The following RIMBP2 variants were observed in gnomAD, a reference collection of about 807,000 sequenced individuals.
RIMBP2 encodes RIMS-binding protein 2.
A neutral mutation model predicts 118.6 loss-of-function variants in RIMBP2; 48 were observed. That is an observed-to-expected ratio of 0.40 (90% CI 0.32 to 0.51). The LOEUF is 0.51. Ranked by LOEUF, RIMBP2 falls within the 20% of genes least tolerant of loss-of-function variation. The pLI is 0.41. For missense variants in RIMBP2, 1,551 were observed against 1,768.3 expected, an observed-to-expected ratio of 0.88 and a Z score of 2.20; for synonymous variants, 762 against 742.9, an observed-to-expected ratio of 1.03 and a Z score of -0.42.
intron 2 of RIMBP2, among the ~76,000 whole-genome samples, chr12:130,626,350 TCAC>T (rs1279340903): frequency 1.3e-5 from 2 of 151,432 alleles, no homozygotes; most frequent in African/African-American, 2.4e-5. Context: ...AGCTCCTCCA[TCAC>T]CACGACTACC....
At chr12:130,543,278 T>C (rs1187374901) in intron 2 of RIMBP2, among the ~76,000 whole-genome samples, 1 of 152,168 alleles carries the variant, frequency 6.6e-6, no homozygotes, top group Non-Finnish European at 1.5e-5. Context: ...TTTGAATTGG[T>C]TTGTAGCCCT....
intron 2 of RIMBP2, among the ~76,000 whole-genome samples, chr12:130,572,859 C>T (rs2057788362): frequency 6.6e-6 from 1 of 151,998 alleles, no homozygotes; most frequent in Non-Finnish European, 1.5e-5. Context: ...ACTCAGGGGA[C>T]AGGTGGAGCG....
intron 11 of RIMBP2, among the ~76,000 whole-genome samples, chr12:130,439,131 G>C (rs550041819): frequency 6.6e-6 from 1 of 152,018 alleles, no homozygotes; most frequent in South Asian, 2.1e-4. Flanking sequence ...CCATTTCTGC[G>C]TGTGTGTGTA....
At chr12:130,413,587 G>A (rs1178669430) in intron 18 of RIMBP2, among the ~76,000 whole-genome samples, 2 of 146,714 alleles carry the variant, frequency 1.4e-5, no homozygotes, top group African/African-American at 2.6e-5. Context: ...GAGCTGAGAT[G>A]GTGCCACTGT....
chr12:130,477,158 C>T (rs893750606), intron 5 of RIMBP2, among the ~76,000 whole-genome samples: 4 of 152,142 alleles, frequency 2.6e-5, no homozygotes, highest in African/African-American at 4.8e-5. Context: ...ATGGTGAGTG[C>T]GGGGGGATAA....
chr12:130,455,696 G>C (rs1186701330), intron 7 of RIMBP2, among the ~76,000 whole-genome samples: 3 of 152,140 alleles, frequency 2.0e-5, no homozygotes, highest in Non-Finnish European at 4.4e-5. Flanking sequence ...TAAGAACTAG[G>C]GGAAATTTGC....
rs1475686109 is a variant in RIMBP2, at chr12:130,438,441, G to A, written c.1580C>T (p.Pro527Leu). 9 of 1,613,338 alleles carry A rather than the reference G, an allele frequency of 5.6e-6. No homozygotes were observed. Among genetic ancestry groups the A allele is most frequent in the Admixed American group, 1.7e-5 (1 of 59,948 alleles). Residue 527 changes from proline (P) to leucine (L), a missense_variant, in exon 12 of 23, where the codon CCA (proline) becomes CTA (leucine). This residue lies in a region of RIMBP2 where 1,038 missense variants were observed against 1,125.1 expected (regional missense o/e 0.92). Transcript: ENST00000690449. The part of the protein sequence containing the change: ...TPATIRVSWR[P>L]PVLTPTGLSN... ...CAGCCCGGTGGGCGTCAGCACAGGT[G>A]GTCTCCAGGAGACCCGGATGGTGGC...
At chr12:130,516,776 C>G (rs551049093) in intron 3 of RIMBP2, among the ~76,000 whole-genome samples, 12 of 152,176 alleles carry the variant, frequency 7.9e-5, no homozygotes, top group African/African-American at 2.9e-4. Flanking sequence ...CAGGGAGAAG[C>G]CTCAGTTTTA....
At chr12:130,713,054 T>G in intron 1 of RIMBP2, among the ~76,000 whole-genome samples, 1 of 140,954 alleles carries the variant, frequency 7.1e-6, no homozygotes, top group Admixed American at 7.3e-5. Flanking sequence ...AGAGGAGGAA[T>G]GAGGGAGGGA....
At chr12:130,659,727 T>C (rs4759740) in intron 1 of RIMBP2, among the ~76,000 whole-genome samples, 79,355 of 151,374 alleles carry the variant, frequency 0.52, 21,740 homozygotes, top group Non-Finnish European at 0.62. Flanking sequence ...AATCCCAGCA[T>C]TTTGGGAGGC....
intron 1 of RIMBP2, among the ~76,000 whole-genome samples, chr12:130,694,610 C>A (rs1392699953): frequency 1.3e-5 from 2 of 152,214 alleles, no homozygotes; most frequent in African/African-American, 4.8e-5. Context: ...TTCCACGGCC[C>A]TCCCGTAGAG....
intron 13 of RIMBP2, among the ~76,000 whole-genome samples, chr12:130,435,841 C>T (rs1156694733): frequency 2.6e-5 from 4 of 152,324 alleles, no homozygotes; most frequent in South Asian, 2.1e-4. Context: ...AAGGTAGCTC[C>T]CTGCCCAGTG....
In RIMBP2 at chr12:130,664,031, T is replaced by TA. The variant is rs113571415; in HGVS notation, c.-351-35576dup. On this transcript the variant is annotated intron_variant, in intron 1 of 22. Transcript: ENST00000690449. ...TCCAGGCTATATTGTGGGTTTTTTT[T>TA]AAAAAATCTATTGTTTTAATTGACA... Among the ~76,000 whole-genome samples the TA allele has an allele frequency of 6.6e-4, 100 of 150,872 alleles. 1 individual carries two copies. Among genetic ancestry groups the TA allele is most frequent in the Middle Eastern group, 3.4e-3 (1 of 292 alleles).
chr12:130,450,329 C>A lies in RIMBP2; in HGVS notation c.505-53G>T. ...TTATTGAAGCTGGAGGTGTCCCACC[C>A]CATTCCCGCGGCACACGGGAAAGCC... is the stretch of plus-strand genomic sequence containing the variant. On this transcript the variant is annotated intron_variant, in intron 8 of 22. Coordinates refer to ENST00000690449, the MANE Select transcript of RIMBP2 (RefSeq NM_001393629.1). The surrounding 1 kb of genome is among the most constrained non-coding windows in gnomAD (Gnocchi z 4.8). 2.2e-6 allele frequency: 3 copies of A among 1,377,632 alleles called. No homozygotes were observed. The highest frequency in any genetic ancestry group is 2.0e-6 in the Non-Finnish European group (2 of 980,370). The allele number at this position is 1,377,632 out of a possible 1,614,324, so 85.3% of individuals were successfully genotyped here. A position where few individuals can be genotyped will look rare whatever the true frequency, so the allele number is the denominator to read the frequency against.
chr12:130,713,090 A>G (rs771942687), intron 1 of RIMBP2, among the ~76,000 whole-genome samples: 1 of 148,060 alleles, frequency 6.8e-6, no homozygotes, highest in Non-Finnish European at 1.5e-5. Flanking sequence ...AAGGAAAGAA[A>G]AAACAAAGAG....
intron 2 of RIMBP2, among the ~76,000 whole-genome samples, chr12:130,536,236 T>C (rs1434942472): frequency 6.6e-6 from 1 of 152,122 alleles, no homozygotes; most frequent in Non-Finnish European, 1.5e-5. Context: ...GACAGGTTCT[T>C]ACCCATAAAC....
At chr12:130,650,972 A>G (rs1049041773) in intron 1 of RIMBP2, among the ~76,000 whole-genome samples, 6 of 149,366 alleles carry the variant, frequency 4.0e-5, no homozygotes, top group East Asian at 1.9e-4. Flanking sequence ...AAAAAAAAAA[A>G]AAAAGAAAGA....
rs187777785 is a variant in RIMBP2 at position 130,692,654 on chromosome 12, T to C, written c.-352+23568A>G. On this transcript the variant is annotated intron_variant, in intron 1 of 22. Coordinates refer to ENST00000690449, the MANE Select transcript of RIMBP2 (RefSeq NM_001393629.1). ...TATCCAAGCTGCAGGTCCTGCTGCATTGGATTGTGGAATCAATTTAGCAAG... is the reference window on the plus strand; with the variant it reads ...TATCCAAGCTGCAGGTCCTGCTGCACTGGATTGTGGAATCAATTTAGCAAG... Among the ~76,000 whole-genome samples the C allele has an allele frequency of 3.0e-3, 456 of 152,216 alleles. 3 individuals are homozygous for C. The highest frequency in any genetic ancestry group is 1.1e-3 in the Non-Finnish European group (74 of 68,002).
chr12:130,647,414 G>T (rs1170986079), intron 1 of RIMBP2, among the ~76,000 whole-genome samples: 3 of 109,326 alleles, frequency 2.7e-5, no homozygotes, highest in African/African-American at 2.8e-5. Flanking sequence ...AACAGCCAAG[G>T]GAGTTAGAGT....
Sources: gnomAD v4.1 joint callset for allele counts (sites outside exome capture counted in the v4.1 genomes callset) on GRCh38, gnomAD v4.1.1 for gene constraint, gnomAD v4.1.1 regional missense constraint, Gnocchi (gnomAD v3.1) non-coding constraint, MANE v1.5 for transcripts, NCBI Gene and HGNC (gene_info 2026-07-23, HGNC 2026-07-21) for gene names.